The following NDC1 variants were observed in gnomAD, a reference collection of about 807,000 sequenced individuals.
NDC1 encodes NDC1 transmembrane nucleoporin.
Under a neutral mutation model 89.8 loss-of-function variants are expected in NDC1, and 24 were observed. The observed-to-expected ratio is 0.27, with a 90% CI of 0.19 to 0.38. NDC1 has a LOEUF of 0.38. NDC1 is among the 10% of genes least tolerant of loss of function. The pLI is 1.00. For synonymous variants in NDC1, 296 were observed against 284.8 expected, an observed-to-expected ratio of 1.04 and a Z score of -0.39; for missense variants, 728 against 797.6, an observed-to-expected ratio of 0.91 and a Z score of 1.05.
intron 13 of NDC1, among the ~76,000 whole-genome samples, chr1:53,794,794 G>A (rs944789284): frequency 2.0e-5 from 3 of 152,136 alleles, no homozygotes; most frequent in African/African-American, 4.8e-5. Flanking sequence ...AGGATCACTT[G>A]AGCCCGGGAG....
chr1:53,766,941 T>C lies in NDC1; in HGVS notation c.*1029A>G, dbSNP rs918769958. ...TTGGGACACACAACATACTTCCAAG[T>C]ACAGTAATCCCTCTGACGTTTTGGT... On this transcript the variant is annotated 3_prime_UTR_variant, in exon 18 of 18. Transcript: ENST00000371429. 11 of 152,242 alleles carry C rather than the reference T, an allele frequency of 7.2e-5. No homozygotes were observed. Among genetic ancestry groups the C allele is most frequent in the Admixed American group, 5.9e-4 (9 of 15,282 alleles). 9.4% of individuals were successfully genotyped at this position (152,242 alleles called of 1,614,324 possible).
At chr1:53,824,602 G>C (rs1011193470) in intron 5 of NDC1, among the ~76,000 whole-genome samples, 22 of 152,182 alleles carry the variant, frequency 1.4e-4, no homozygotes, top group Non-Finnish European at 2.9e-5. Context: ...ATGAGGAGCA[G>C]CAGAAACAGG....
At chr1:53,805,497 A>C (rs904968703) in intron 9 of NDC1, among the ~76,000 whole-genome samples, 1 of 152,192 alleles carries the variant, frequency 6.6e-6, no homozygotes, top group African/African-American at 2.4e-5. Context: ...AGCCTCTTTT[A>C]GCTCTTTTTA....
At chr1:53,825,151 T>A (rs1043678888) in intron 5 of NDC1, among the ~76,000 whole-genome samples, 7 of 149,466 alleles carry the variant, frequency 4.7e-5, no homozygotes, top group African/African-American at 1.5e-4. Flanking sequence ...CCAGCCTGGG[T>A]GACAGAGTGA....
At chr1:53,790,576 G>A (rs1287889249) in intron 14 of NDC1, among the ~76,000 whole-genome samples, 3 of 144,492 alleles carry the variant, frequency 2.1e-5, no homozygotes, top group Non-Finnish European at 4.6e-5. Flanking sequence ...ATGTGGTGGC[G>A]CACGCCTGTA....
At chr1:53,815,399 G>A (rs1382181213) in intron 6 of NDC1, among the ~76,000 whole-genome samples, 2 of 152,116 alleles carry the variant, frequency 1.3e-5, no homozygotes, top group East Asian at 1.9e-4. Flanking sequence ...ACAAAATCCA[G>A]CATTCCTTTA....
At chr1:53,782,524 A>C (rs1647220976) in intron 16 of NDC1, among the ~76,000 whole-genome samples, 1 of 152,224 alleles carries the variant, frequency 6.6e-6, no homozygotes, top group Non-Finnish European at 1.5e-5. Context: ...TGAAAGACAA[A>C]GAACATGGGG....
rs761828694 is a variant in NDC1, at chr1:53,818,966, C to A, written c.703+5G>T. ...ATCACTGTATCAAAAAGCAGAAATT[C>A]TTACCAAGAAAATAATATAAAATGC... On this transcript the variant is annotated splice_donor_5th_base_variant and intron_variant, in intron 6 of 17. Transcript: ENST00000371429. The A allele has an allele frequency of 7.4e-7, 1 of 1,347,084 alleles. No homozygotes were observed. Among genetic ancestry groups the A allele is most frequent in the South Asian group, 1.3e-5 (1 of 76,766 alleles). 83.4% of individuals were successfully genotyped at this position (1,347,084 alleles called of 1,614,324 possible). A position where few individuals can be genotyped will look rare whatever the true frequency, so the allele number is the denominator to read the frequency against.
At chr1:53,775,029 C>T (rs892532261) in intron 16 of NDC1, among the ~76,000 whole-genome samples, 2 of 152,174 alleles carry the variant, frequency 1.3e-5, no homozygotes, top group Admixed American at 1.3e-4. Flanking sequence ...ATGCAACTAG[C>T]TGTTCACCAG....
intron 6 of NDC1, among the ~76,000 whole-genome samples, chr1:53,811,000 AC>A (rs1337665224): frequency 6.6e-6 from 1 of 152,192 alleles, no homozygotes; most frequent in South Asian, 2.1e-4. Flanking sequence ...CTGAACACAC[AC>A]CCCCACTGGA....
intron 1 of NDC1, 54 bp from the exon 2 acceptor site, chr1:53,835,674 T>C: frequency 6.6e-7 from 1 of 1,514,146 alleles, no homozygotes; most frequent in East Asian, 2.3e-5. Flanking sequence ...TTATTTCAGT[T>C]ATGCAAATCC....
intron 4 of NDC1, among the ~76,000 whole-genome samples, chr1:53,826,702 C>A (rs1349187201): frequency 6.6e-6 from 1 of 152,172 alleles, no homozygotes; most frequent in Non-Finnish European, 1.5e-5. Context: ...TATGAGATAT[C>A]TGGGGGTATA....
At chr1:53,799,953 A>C (rs1357689932) in intron 11 of NDC1, among the ~76,000 whole-genome samples, 1 of 152,178 alleles carries the variant, frequency 6.6e-6, no homozygotes, top group Non-Finnish European at 1.5e-5. Flanking sequence ...CAAATCACCC[A>C]GTCGTCTCAG....
chr1:53,772,716 CAT>C (rs1211495279), intron 16 of NDC1, among the ~76,000 whole-genome samples: 2 of 149,440 alleles, frequency 1.3e-5, no homozygotes, highest in African/African-American at 2.5e-5. Flanking sequence ...CATAACATAA[CAT>C]AACAAAACAA....
chr1:53,791,692 A>G (rs1294739095), intron 14 of NDC1, among the ~76,000 whole-genome samples: 1 of 152,216 alleles, frequency 6.6e-6, no homozygotes, highest in Non-Finnish European at 1.5e-5. Context: ...ACCCACTTGC[A>G]AAACTGGGAT....
Position 53,803,967 on chromosome 1 carries a change from G to C in NDC1, c.1027C>G (p.Pro343Ala). 1.2e-6 allele frequency: 2 copies of C among 1,614,004 alleles called. No individual in the cohort carries two copies. Among genetic ancestry groups the C allele is most frequent in the Non-Finnish European group, 1.7e-6 (2 of 1,179,906 alleles). The change falls in exon 10 of 18, where the codon CCT (proline) becomes GCT (alanine). Residue 343 changes from proline to alanine, a missense_variant. Transcript: ENST00000371429. ...CTGAAAACTTCTTGTCTTCGTGAAG[G>C]AGAATATTGAGAAAGCAACATCAGG... is the stretch of plus-strand genomic sequence containing the variant. Reference protein sequence around the residue: ...QDLMLLSQYSPSRRQEVFSLS... With the variant: ...QDLMLLSQYSASRRQEVFSLS...
intron 9 of NDC1, among the ~76,000 whole-genome samples, chr1:53,804,907 A>G (rs1648051584): frequency 6.6e-6 from 1 of 152,016 alleles, no homozygotes; most frequent in African/African-American, 2.4e-5. Context: ...AGAGGTCCCA[A>G]TGTATTTGCC....
chr1:53,832,670 C>T, intron 2 of NDC1, 79 bp from the exon 3 acceptor site: 1 of 697,666 alleles, frequency 1.4e-6, no homozygotes, highest in East Asian at 2.6e-5. Context: ...ATAAAAAGAG[C>T]TTGAACCACA....
chr1:53,832,487 C>G lies in NDC1; in HGVS notation c.280+3G>C. 6.7e-7 allele frequency: 1 copy of G among 1,485,646 alleles called. No homozygotes were observed. The highest frequency in any genetic ancestry group is 9.4e-7 in the Non-Finnish European group (1 of 1,067,848). The allele number at this position is 1,485,646 out of a possible 1,614,324, so 92.0% of individuals were successfully genotyped here. On this transcript the variant is annotated splice_donor_region_variant and intron_variant, in intron 3 of 17. Coordinates refer to ENST00000371429, the MANE Select transcript of NDC1 (RefSeq NM_018087.5). ...CTAAGAAGGTTAACATTTGAAAACTCACCTGCATAGAACTCCACATTGAAA... is the reference window on the plus strand; with the variant it reads ...CTAAGAAGGTTAACATTTGAAAACTGACCTGCATAGAACTCCACATTGAAA...
Sources: allele counts gnomAD v4.1 joint callset (sites outside exome capture counted in the v4.1 genomes callset), GRCh38; gene constraint gnomAD v4.1.1; transcripts MANE v1.5; gene names NCBI Gene and HGNC (gene_info 2026-07-23, HGNC 2026-07-21).